The following SLIT1 variants were observed in gnomAD, a reference collection of about 807,000 sequenced individuals.
The protein encoded by SLIT1 is slit guidance ligand 1.
In SLIT1, 66 loss-of-function variants were observed where a neutral mutation model predicts 186.1. The ratio of observed to expected loss-of-function variants is 0.35; its 90% confidence interval spans 0.29 to 0.44. The LOEUF (loss-of-function observed/expected upper bound fraction) is 0.44, where lower values mean the gene tolerates loss of function less well. SLIT1 is among the 20% of genes least tolerant of loss of function. The pLI is 1.00. For missense variants in SLIT1, 1,638 were observed against 2,037.4 expected (o/e 0.80, Z 3.77); for synonymous variants, 761 against 833.8 (o/e 0.91, Z 1.50).
chr10:97,023,708 C>T (rs1388945772), intron 25 of SLIT1, among the ~76,000 whole-genome samples: 2 of 152,130 alleles, frequency 1.3e-5, no homozygotes, highest in African/African-American at 2.4e-5. Flanking sequence ...TGTGGGAGGC[C>T]GAGGCAGGCA....
intron 4 of SLIT1, among the ~76,000 whole-genome samples, chr10:97,098,693 G>T (rs141192341): frequency 1.3e-5 from 2 of 152,214 alleles, no homozygotes; most frequent in Non-Finnish European, 2.9e-5. Flanking sequence ...GATCAGCGTG[G>T]TGTCTCAGGA....
At chr10:97,104,797 C>G (rs1407129000) in intron 4 of SLIT1, among the ~76,000 whole-genome samples, 1 of 152,172 alleles carries the variant, frequency 6.6e-6, no homozygotes, top group Non-Finnish European at 1.5e-5. Context: ...CAAAGGCCAC[C>G]TTCTCCATGA....
chr10:97,110,332 A>G (rs1291266446), intron 4 of SLIT1, among the ~76,000 whole-genome samples: 1 of 152,176 alleles, frequency 6.6e-6, no homozygotes, highest in Non-Finnish European at 1.5e-5. Context: ...CCAGGTATTC[A>G]CCGAAGACGC....
rs1351161636 is a variant in SLIT1 at position 97,127,441 on chromosome 10, G to C, written c.413+30377C>G. On this transcript the variant is annotated intron_variant, in intron 4 of 36. Coordinates refer to ENST00000266058, the MANE Select transcript of SLIT1 (RefSeq NM_003061.3). ...GTTAAGTTAGGACAATGTCTATGCA[G>C]TACCTACCAGATGCAAGGAAGACAC... 2.0e-5 allele frequency among the ~76,000 whole-genome samples: 3 copies of C among 152,208 alleles called. No individual in the cohort carries two copies. The East Asian group carries it at 5.8e-4, about 29-fold the overall frequency.
At chr10:97,107,774 CAG>C (rs1310388627) in intron 4 of SLIT1, among the ~76,000 whole-genome samples, 2 of 152,058 alleles carry the variant, frequency 1.3e-5, no homozygotes, top group Non-Finnish European at 2.9e-5. Context: ...GGGTGGAAGA[CAG>C]GGAACCAACC....
At chr10:97,025,173 G>T (rs751277392) in intron 25 of SLIT1, among the ~76,000 whole-genome samples, 13 of 152,214 alleles carry the variant, frequency 8.5e-5, no homozygotes, top group Non-Finnish European at 1.3e-4. Flanking sequence ...CACTCAGGAG[G>T]CTGAGGCAGG....
intron 25 of SLIT1, among the ~76,000 whole-genome samples, chr10:97,024,913 T>C (rs1848532054): frequency 6.6e-6 from 1 of 152,132 alleles, no homozygotes; most frequent in Non-Finnish European, 1.5e-5. Flanking sequence ...GGTCCCTCCA[T>C]AAATGTCAGC....
At chr10:97,003,096 G>A (rs11188983) in intron 34 of SLIT1, 104 bp from the exon 35 acceptor site, 76,574 of 1,140,248 alleles carry the variant, frequency 0.067, 2,990 homozygotes, top group South Asian at 0.11. Flanking sequence ...TCTTGCCTGC[G>A]GCCTCTGTCC....
At chr10:97,127,242 C>G (rs1010194427) in intron 4 of SLIT1, among the ~76,000 whole-genome samples, 2 of 151,540 alleles carry the variant, frequency 1.3e-5, no homozygotes, top group African/African-American at 4.9e-5. Flanking sequence ...GCCGAGATCA[C>G]GCCATTGCAC....
chr10:97,143,237 C>T (rs1254806764), intron 4 of SLIT1, among the ~76,000 whole-genome samples: 3 of 152,150 alleles, frequency 2.0e-5, no homozygotes, highest in Non-Finnish European at 4.4e-5. Context: ...ACCCAGCTGT[C>T]CATCACAGAT....
intron 3 of SLIT1, among the ~76,000 whole-genome samples, chr10:97,160,813 C>A (rs533316628): frequency 1.4e-4 from 21 of 152,164 alleles, no homozygotes; most frequent in Non-Finnish European, 2.6e-4. Flanking sequence ...CTCCGCCTCC[C>A]GGGTTCAAGT....
chr10:97,130,328 T>G (rs1020148435), intron 4 of SLIT1, among the ~76,000 whole-genome samples: 1 of 152,208 alleles, frequency 6.6e-6, no homozygotes, highest in African/African-American at 2.4e-5. Flanking sequence ...ATGGAAGTAT[T>G]ATTCACAACA....
At chr10:97,104,937 CT>C (rs774879293) in intron 4 of SLIT1, among the ~76,000 whole-genome samples, 12 of 152,210 alleles carry the variant, frequency 7.9e-5, no homozygotes, top group Non-Finnish European at 1.5e-4. Context: ...CCTCCCACCC[CT>C]GTCACCACCC....
At position 97,119,913 on chromosome 10, in the gene SLIT1, G is replaced by GTGTATATATA. The variant is rs1241836707; in HGVS notation, c.413+37904_413+37905insTATATATACA. 2.1e-3 allele frequency among the ~76,000 whole-genome samples: 120 copies of GTGTATATATA among 56,526 alleles called. 2 individuals carry two copies. The highest frequency in any genetic ancestry group is 9.8e-3 in the Middle Eastern group (1 of 102). The allele number at this position is 56,526 out of a possible 152,430, so 37.1% of individuals were successfully genotyped here. ...AAATACATATTTTTTTTCCAAAGGG[G>GTGTATATATA]TATATATATATATATATATATATAT... On this transcript the variant is annotated intron_variant, in intron 4 of 36. Coordinates refer to ENST00000266058, the MANE Select transcript of SLIT1 (RefSeq NM_003061.3).
chr10:97,001,331 G>GT lies in SLIT1; in HGVS notation c.4385dup (p.Asp1462GlufsTer50), dbSNP rs1848306735. 1 of 1,612,758 alleles carries GT rather than the reference G, an allele frequency of 6.2e-7. No individual in the cohort carries two copies. The highest frequency in any genetic ancestry group is 1.3e-5 in the African/African-American group (1 of 75,034). On this transcript the variant is annotated frameshift_variant, in exon 37 of 37. Transcript: ENST00000266058. LOFTEE classifies it high-confidence loss of function. ...GGACCTGGTGAAAGTCCCGGACAGGGTCCCCCCGGCACTCGGACTCTGGAT... is the reference window on the plus strand; with the variant it reads ...GGACCTGGTGAAAGTCCCGGACAGGGTTCCCCCCGGCACTCGGACTCTGGAT...
At position 97,006,523 on chromosome 10, in the gene SLIT1, G is replaced by A; in HGVS notation, c.3539C>T (p.Thr1180Ile). The change falls in exon 32 of 37, where the codon ACT (threonine) becomes ATT (isoleucine). Residue 1180 changes from threonine to isoleucine, a missense_variant. Around this residue, in one of 3 missense-constraint regions of SLIT1, gnomAD observed 173 missense variants for 290.9 expected, o/e 0.59. Coordinates refer to ENST00000266058, the MANE Select transcript of SLIT1 (RefSeq NM_003061.3). This position sits in a 1 kb window ranked among gnomAD's most constrained non-coding sequence, Gnocchi z 4.0. ...FVDRDTYLQF[T>I]DLQNWPRANI... ...GGCCCGTGGCCAGTTTTGCAGGTCA[G>A]TGAACTGCAGGTAAGTGTCCCGATC... 1 of 1,614,104 alleles carries A rather than the reference G, an allele frequency of 6.2e-7. No individual in the cohort carries two copies. The highest frequency in any genetic ancestry group is 8.5e-7 in the Non-Finnish European group (1 of 1,179,944).
chr10:97,101,680 A>G (rs1053468682), intron 4 of SLIT1, among the ~76,000 whole-genome samples: 1 of 152,214 alleles, frequency 6.6e-6, no homozygotes, highest in East Asian at 1.9e-4. Flanking sequence ...TGTGCTGCAC[A>G]TGCCTCCTGG....
chr10:97,161,695 T>C (rs1385074331), intron 3 of SLIT1, among the ~76,000 whole-genome samples: 1 of 152,126 alleles, frequency 6.6e-6, no homozygotes, highest in Non-Finnish European at 1.5e-5. Context: ...GGAGAATCGC[T>C]TGAACCCAAG....
At chr10:97,130,662 C>T (rs911751176) in intron 4 of SLIT1, among the ~76,000 whole-genome samples, 1 of 152,186 alleles carries the variant, frequency 6.6e-6, no homozygotes, top group South Asian at 2.1e-4. Flanking sequence ...GTGTGTGATA[C>T]TGAGCAAGTT....
Sources: allele counts gnomAD v4.1 joint callset (sites outside exome capture counted in the v4.1 genomes callset), GRCh38; gene constraint gnomAD v4.1.1; regional missense constraint gnomAD v4.1.1; non-coding constraint Gnocchi (gnomAD v3.1); transcripts MANE v1.5; gene names NCBI Gene and HGNC (gene_info 2026-07-23, HGNC 2026-07-21).